LARGE1: variants seen among roughly 807,000 people sequenced by gnomAD.
The protein encoded by LARGE1 is LARGE xylosyl- and glucuronyltransferase 1, also known as xylosyl- and glucuronyltransferase LARGE1.
LARGE1 carries 43 observed loss-of-function variants against 87.6 expected under a neutral mutation model. The observed-to-expected ratio is 0.49, with a 90% CI of 0.38 to 0.63. The LOEUF is 0.63. LARGE1 is among the 30% of genes least tolerant of loss of function. The probability of loss-of-function intolerance (pLI) is 0.00; values close to 1 mark genes in which losing one functional copy is unlikely to be tolerated. For missense variants in LARGE1, 802 were observed against 1,000.2 expected, an observed-to-expected ratio of 0.80 and a Z score of 2.67; for synonymous variants, 434 against 394.6, an observed-to-expected ratio of 1.10 and a Z score of -1.18.
At chr22:33,680,099 C>T (rs5999056) in intron 2 of LARGE1, among the ~76,000 whole-genome samples, 6,701 of 152,222 alleles carry the variant, frequency 0.044, 508 homozygotes, top group African/African-American at 0.15. Flanking sequence ...TGATTTGTTC[C>T]ACTCAAAACA....
chr22:33,517,750 T>C (rs2071382861), intron 6 of LARGE1, among the ~76,000 whole-genome samples: 1 of 152,178 alleles, frequency 6.6e-6, no homozygotes, highest in African/African-American at 2.4e-5. Context: ...ATCCCTGGAA[T>C]CTACCCACAG....
downstream of LARGE1, among the ~76,000 whole-genome samples, chr22:33,159,409 C>T (rs573559361): frequency 1.2e-4 from 19 of 152,144 alleles, no homozygotes; most frequent in South Asian, 3.3e-3. Context: ...CTCCTGCTCA[C>T]CTTTTTCAGT....
chr22:33,863,859 C>A (rs1205679592), intron 1 of LARGE1, among the ~76,000 whole-genome samples: 1 of 151,922 alleles, frequency 6.6e-6, no homozygotes, highest in Non-Finnish European at 1.5e-5. Context: ...TAAAAGTAAC[C>A]CAGGGTTTTG....
At chr22:33,718,997 C>T (rs2082996575) in intron 2 of LARGE1, among the ~76,000 whole-genome samples, 2 of 152,144 alleles carry the variant, frequency 1.3e-5, no homozygotes, top group African/African-American at 4.8e-5. Flanking sequence ...CCATGTTGGC[C>T]AGGCTCATCT....
Position 33,906,686 on chromosome 22 carries a change from A to T in LARGE1, c.-83+13309T>A. 1.3e-5 allele frequency among the ~76,000 whole-genome samples: 2 copies of T among 151,992 alleles called. 1 individual carries two copies. Among genetic ancestry groups the T allele is most frequent in the East Asian group, 3.9e-4 (2 of 5,172 alleles). On this transcript the variant is annotated intron_variant, in intron 1 of 14. Transcript: ENST00000397394. The stretch of plus-strand genomic sequence containing the variant: ...GAGAAAAGTGCAAGGTAGACAGAAA[A>T]CTCCTGAAAAACTGCCTCAGGTGAT...
intron 7 of LARGE1, among the ~76,000 whole-genome samples, chr22:33,416,627 G>T (rs902686241): frequency 6.6e-6 from 1 of 151,738 alleles, no homozygotes; most frequent in Admixed American, 6.6e-5. Flanking sequence ...TTTTTGAGAC[G>T]GAGTCTCGCA....
Position 33,358,977 on chromosome 22 carries a change from G to A in LARGE1, c.1132-21176C>T, listed in dbSNP as rs898848909. Among the ~76,000 whole-genome samples the A allele has an allele frequency of 3.0e-4, 45 of 147,546 alleles. No individual in the cohort carries two copies. The East Asian group carries it at 8.2e-3, about 27-fold the overall frequency. On this transcript the variant is annotated intron_variant, in intron 9 of 14. Transcript: ENST00000397394. ...TGCACTATTGCACTCCAGCCTGGGC[G>A]ACAGAGTGAGACTCCATCTTAAAAA...
At chr22:33,860,676 G>A (rs559749207) in intron 1 of LARGE1, among the ~76,000 whole-genome samples, 2 of 152,280 alleles carry the variant, frequency 1.3e-5, no homozygotes, top group Admixed American at 1.3e-4. Context: ...GCGTGCAACC[G>A]TGATCAGGAG....
chr22:33,487,265 T>G (rs1173933378), intron 6 of LARGE1, among the ~76,000 whole-genome samples: 7 of 152,218 alleles, frequency 4.6e-5, no homozygotes, highest in Non-Finnish European at 8.8e-5. Context: ...AAGAGTCTAT[T>G]CAAACTGGTG....
intron 1 of LARGE1, among the ~76,000 whole-genome samples, chr22:33,912,563 C>T (rs887965232): frequency 6.6e-6 from 1 of 152,168 alleles, no homozygotes; most frequent in African/African-American, 2.4e-5. Context: ...TCTGCGTCTG[C>T]TGCCTGTCCA....
At chr22:33,072,643 G>A in the LARGE1 span, among the ~76,000 whole-genome samples, 2 of 152,112 alleles carry the variant, frequency 1.3e-5, no homozygotes, top group Non-Finnish European at 2.9e-5. Context: ...AAAATATTCC[G>A]TGGAGATACT....
chr22:33,173,875 C>T (rs1922714374), intron 11 of LARGE1, among the ~76,000 whole-genome samples: 1 of 152,084 alleles, frequency 6.6e-6, no homozygotes, highest in African/African-American at 2.4e-5. Flanking sequence ...AACTTAGACT[C>T]CCACACAATA....
At chr22:33,913,739 G>A (rs1038676958) in intron 1 of LARGE1, among the ~76,000 whole-genome samples, 18 of 151,494 alleles carry the variant, frequency 1.2e-4, no homozygotes, top group Admixed American at 1.1e-3. Flanking sequence ...TAGTAGACAC[G>A]GGGTTTCACC....
At chr22:33,778,491 C>T (rs1442533160) in intron 1 of LARGE1, among the ~76,000 whole-genome samples, 3 of 152,178 alleles carry the variant, frequency 2.0e-5, no homozygotes, top group African/African-American at 4.8e-5. Flanking sequence ...CCTTACTCCT[C>T]GTCCCTGGCA....
the LARGE1 span, among the ~76,000 whole-genome samples, chr22:33,103,970 G>A: frequency 9.9e-5 from 15 of 152,142 alleles, no homozygotes; most frequent in East Asian, 9.6e-4. Context: ...ACCTTCTGCC[G>A]TGATTGTGAG....
At chr22:33,870,083 G>T (rs916297114) in intron 1 of LARGE1, among the ~76,000 whole-genome samples, 4 of 152,210 alleles carry the variant, frequency 2.6e-5, no homozygotes, top group African/African-American at 9.7e-5. Flanking sequence ...TTAAGATGAG[G>T]TCATAGTGGA....
At chr22:33,257,458 CAAAAAAACA>C (rs1927368594) in intron 11 of LARGE1, among the ~76,000 whole-genome samples, 1 of 93,746 alleles carries the variant, frequency 1.1e-5, no homozygotes, top group Non-Finnish European at 2.3e-5. Context: ...AAAACAAAAA[CAAAAAAACA>C]AAAAAAAGGC....
At chr22:33,846,134 G>T (rs2063423011) in intron 1 of LARGE1, among the ~76,000 whole-genome samples, 1 of 152,086 alleles carries the variant, frequency 6.6e-6, no homozygotes, top group Non-Finnish European at 1.5e-5. Flanking sequence ...CTAGATCTAG[G>T]GTCTTGAACA....
chr22:33,311,631 G>A (rs1031751611), intron 11 of LARGE1, among the ~76,000 whole-genome samples: 2 of 152,136 alleles, frequency 1.3e-5, no homozygotes, highest in South Asian at 2.1e-4. Flanking sequence ...TAAGTAAGTC[G>A]TTCAAACTTA....
Sources: gnomAD v4.1 joint callset for allele counts (sites outside exome capture counted in the v4.1 genomes callset) on GRCh38, gnomAD v4.1.1 for gene constraint, MANE v1.5 for transcripts, NCBI Gene and HGNC (gene_info 2026-07-23, HGNC 2026-07-21) for gene names.